The following MSRA variants were observed in gnomAD, a reference collection of about 807,000 sequenced individuals.
MSRA encodes mitochondrial peptide methionine sulfoxide reductase.
MSRA carries 54 observed loss-of-function variants against 31.3 expected under a neutral mutation model. The ratio of observed to expected loss-of-function variants is 1.73; its 90% CI spans 1.39 to 2.17. The LOEUF (loss-of-function observed/expected upper bound fraction) is 2.17. Ranked by LOEUF, MSRA falls within the 30% of genes most tolerant of loss-of-function variation. The pLI is 0.00. For missense variants in MSRA, 507 were observed against 300.9 expected (o/e 1.69, Z -5.07); for synonymous variants, 169 against 116.5 (o/e 1.45, Z -2.90).
At chr8:10,407,285 C>T (rs139108225) in intron 5 of MSRA, among the ~76,000 whole-genome samples, 1 of 152,188 alleles carries the variant, frequency 6.6e-6, no homozygotes, top group African/African-American at 2.4e-5. Flanking sequence ...ATCAGACTTT[C>T]ATCAGCTCCC....
intron 3 of MSRA, among the ~76,000 whole-genome samples, chr8:10,275,807 A>G (rs954649162): frequency 6.6e-6 from 1 of 152,178 alleles, no homozygotes; most frequent in African/African-American, 2.4e-5. Flanking sequence ...AGAGATTAAC[A>G]TGGATTCCTC....
intron 3 of MSRA, chr8:10,250,313 A>G (rs1025901315): frequency 4.7e-6 from 3 of 644,334 alleles, no homozygotes; most frequent in South Asian, 1.8e-5. Flanking sequence ...ATGGATAAGC[A>G]TTCTGGGTTA....
At chr8:10,103,890 C>G (rs943421743) in intron 1 of MSRA, among the ~76,000 whole-genome samples, 3 of 152,026 alleles carry the variant, frequency 2.0e-5, no homozygotes, top group Non-Finnish European at 4.4e-5. Flanking sequence ...TACTCTCTCT[C>G]ACGTCTGAAA....
rs555718315 is a variant in MSRA at position 10,327,083 on chromosome 8, C to G, written c.543+7094C>G. Among the ~76,000 whole-genome samples the G allele has an allele frequency of 4.6e-4, 70 of 152,110 alleles. 1 individual carries two copies. Among genetic ancestry groups the G allele is most frequent in the Admixed American group, 9.2e-4 (14 of 15,280 alleles). Reference sequence around the variant, plus strand: ...ATGCTTTCTCTGGGTATTTCTCTCGCGAAAAAGAGAGAAGAAAAGCAGCGT... The same window carrying G: ...ATGCTTTCTCTGGGTATTTCTCTCGGGAAAAAGAGAGAAGAAAAGCAGCGT... On this transcript the variant is annotated intron_variant, in intron 5 of 5. Transcript: ENST00000317173.
At chr8:10,217,577 T>C (rs1475255824) in intron 2 of MSRA, among the ~76,000 whole-genome samples, 3 of 152,238 alleles carry the variant, frequency 2.0e-5, no homozygotes, top group South Asian at 2.1e-4. Context: ...CTTAGTATAA[T>C]GAAGCCTTGC....
intron 1 of MSRA, among the ~76,000 whole-genome samples, chr8:10,134,587 G>A (rs967788352): frequency 2.0e-5 from 3 of 152,178 alleles, no homozygotes; most frequent in African/African-American, 7.2e-5. Context: ...GCACAGGCTC[G>A]AGTCTAAGTT....
intron 1 of MSRA, among the ~76,000 whole-genome samples, chr8:10,090,409 G>T (rs1798797454): frequency 6.6e-6 from 1 of 152,178 alleles, no homozygotes; most frequent in African/African-American, 2.4e-5. Flanking sequence ...GATTCAGGTG[G>T]ATAAGAGTTT....
chr8:10,334,443 G>A (rs1802900373), intron 5 of MSRA, among the ~76,000 whole-genome samples: 1 of 152,000 alleles, frequency 6.6e-6, no homozygotes, highest in South Asian at 2.1e-4. Context: ...GGGGCGGGGG[G>A]GAGGTGCAGG....
At chr8:10,324,302 G>A (rs192786170) in intron 5 of MSRA, among the ~76,000 whole-genome samples, 3 of 152,298 alleles carry the variant, frequency 2.0e-5, no homozygotes, top group Admixed American at 6.5e-5. Flanking sequence ...GAGCATAGCA[G>A]TTCATTAAGG....
At chr8:10,357,626 C>G (rs534605964) in intron 5 of MSRA, among the ~76,000 whole-genome samples, 2 of 152,268 alleles carry the variant, frequency 1.3e-5, no homozygotes, top group South Asian at 4.1e-4. Flanking sequence ...TTGTCTATTT[C>G]CTGCCCCAGA....
intron 3 of MSRA, among the ~76,000 whole-genome samples, chr8:10,286,741 C>G (rs900424543): frequency 3.3e-5 from 5 of 152,242 alleles, no homozygotes; most frequent in African/African-American, 1.2e-4. Context: ...TGGATGTCTC[C>G]TATCATTGGC....
chr8:10,408,814 C>G (rs1257238419), intron 5 of MSRA, among the ~76,000 whole-genome samples: 1 of 133,104 alleles, frequency 7.5e-6, no homozygotes, highest in Non-Finnish European at 1.6e-5. Flanking sequence ...ATAGAACATG[C>G]AGTAGTTGAC....
At chr8:10,282,761 C>T (rs1799690049) in intron 3 of MSRA, among the ~76,000 whole-genome samples, 1 of 152,152 alleles carries the variant, frequency 6.6e-6, no homozygotes, top group Non-Finnish European at 1.5e-5. Flanking sequence ...GAAAATATAC[C>T]TTCCACTCTT....
chr8:10,091,624 G>C (rs887638272), intron 1 of MSRA, among the ~76,000 whole-genome samples: 22 of 105,620 alleles, frequency 2.1e-4, no homozygotes, highest in African/African-American at 7.6e-4. Flanking sequence ...TTTTTTTTTT[G>C]AGTTGAAATT....
At chr8:10,373,811 G>C (rs1805609211) in intron 5 of MSRA, among the ~76,000 whole-genome samples, 1 of 152,216 alleles carries the variant, frequency 6.6e-6, no homozygotes, top group East Asian at 1.9e-4. Flanking sequence ...GCTTAGACCT[G>C]GTAGGGTGGG....
intron 5 of MSRA, among the ~76,000 whole-genome samples, chr8:10,390,125 C>G (rs1345942534): frequency 6.6e-6 from 1 of 152,254 alleles, no homozygotes; most frequent in Admixed American, 6.5e-5. Flanking sequence ...GACATCCCCT[C>G]TCTGTATTCC....
chr8:10,387,852 G>A (rs1296847146), intron 5 of MSRA, among the ~76,000 whole-genome samples: 3 of 152,024 alleles, frequency 2.0e-5, no homozygotes, highest in Non-Finnish European at 2.9e-5. Flanking sequence ...TTCACTTCTG[G>A]GGAGAAACAA....
At chr8:10,211,819 C>G (rs888860910) in intron 2 of MSRA, among the ~76,000 whole-genome samples, 1 of 152,116 alleles carries the variant, frequency 6.6e-6, no homozygotes, top group Middle Eastern at 3.2e-3. Context: ...TCCACTCTGT[C>G]CACGTGGAGG....
chr8:10,152,746 A>G lies in MSRA; in HGVS notation c.143-55087A>G, dbSNP rs573274495. Among the ~76,000 whole-genome samples the G allele has an allele frequency of 2.0e-5, 3 of 152,356 alleles. No homozygotes were observed. In the East Asian group the frequency reaches 5.8e-4, roughly 29 times the overall value. On this transcript the variant is annotated intron_variant, in intron 1 of 5. Coordinates refer to ENST00000317173, the MANE Select transcript of MSRA (RefSeq NM_012331.5). ...TCATGTTCACAGCAGCAGTATTCACAATAGCTCCACGTGCCCGTTGACAGG... is the reference window on the plus strand; with the variant it reads ...TCATGTTCACAGCAGCAGTATTCACGATAGCTCCACGTGCCCGTTGACAGG...
Sources: gnomAD v4.1 joint callset for allele counts (sites outside exome capture counted in the v4.1 genomes callset) on GRCh38, gnomAD v4.1.1 for gene constraint, MANE v1.5 for transcripts, NCBI Gene and HGNC (gene_info 2026-07-23, HGNC 2026-07-21) for gene names.